SEZ6L: variants seen among roughly 807,000 people sequenced by gnomAD.
SEZ6L encodes the protein seizure 6-like protein.
Under a neutral mutation model 106.2 loss-of-function variants are expected in SEZ6L, and 37 were observed. The ratio of observed to expected loss-of-function variants is 0.35; its 90% CI spans 0.27 to 0.46. The LOEUF is 0.46. SEZ6L is among the 20% of genes least tolerant of loss of function. The pLI is 1.00. For missense variants in SEZ6L, 1,172 were observed against 1,332.8 expected (o/e 0.88, Z 1.88); for synonymous variants, 541 against 570.4 (o/e 0.95, Z 0.73).
Position 26,292,501 on chromosome 22 carries a change from G to T in SEZ6L, c.190G>T (p.Glu64Ter). 4 of 1,613,996 alleles carry T rather than the reference G, an allele frequency of 2.5e-6. No individual in the cohort carries two copies. The South Asian group carries it at 3.3e-5, about 13-fold the overall frequency. ...CAGTCCTGGCAAAGAGCACCCTGAA[G>T]AGAGAGTGGTAACAGCGCCCCCCAG... ...RGSPGKEHPEERVVTAPPSSS... is the reference protein window; with the variant it reads ...RGSPGKEHPE The change falls in exon 2 of 17, where the codon GAG becomes TAG. Residue 64 changes from glutamate to a stop codon, truncating the protein, a stop_gained. Coordinates refer to ENST00000248933, the MANE Select transcript of SEZ6L (RefSeq NM_021115.5). LOFTEE classifies it high-confidence loss of function.
intron 1 of SEZ6L, among the ~76,000 whole-genome samples, chr22:26,238,367 GAAGAAGAC>G (rs2079013768): frequency 6.6e-6 from 1 of 152,226 alleles, no homozygotes. Context: ...ATTCCATCTG[GAAGAAGAC>G]AAAAGTTGAG....
rs781691364 is a variant in SEZ6L at position 26,310,875 on chromosome 22, TG to T, written c.1681+44del. The T allele has an allele frequency of 1.9e-6, 3 of 1,599,988 alleles. No individual in the cohort carries two copies. The South Asian group carries it at 3.3e-5, about 18-fold the overall frequency. On this transcript the variant is annotated intron_variant, in intron 7 of 16. Transcript: ENST00000248933. ...GGAGCTTCCCTTTCTCTTGTGGGGCTGGGGGTAGCCTGGGAGCAGGGAAAGC... is the reference window on the plus strand; with the variant it reads ...GGAGCTTCCCTTTCTCTTGTGGGGCTGGGGTAGCCTGGGAGCAGGGAAAGC...
intron 1 of SEZ6L, among the ~76,000 whole-genome samples, chr22:26,187,725 G>A (rs553613110): frequency 2.6e-5 from 4 of 152,222 alleles, no homozygotes; most frequent in South Asian, 2.1e-4. Context: ...CCCAAACCCC[G>A]ATCAGACTGT....
At position 26,296,943 on chromosome 22, in the gene SEZ6L, G is replaced by A; in HGVS notation, c.1025G>A (p.Gly342Asp). The A allele has an allele frequency of 6.2e-7, 1 of 1,613,980 alleles. No individual in the cohort carries two copies. Among genetic ancestry groups the A allele is most frequent in the Non-Finnish European group, 8.5e-7 (1 of 1,179,932 alleles). Residue 342 changes from glycine (G) to aspartate (D), a missense_variant, in exon 4 of 17, where the codon GGC becomes GAC. Gly to Asp is a moderately conservative substitution (Grantham distance 94). Around this residue, in one of 4 missense-constraint regions of SEZ6L, gnomAD observed 494 missense variants for 445.8 expected, o/e 1.11. Transcript: ENST00000248933. ...CTGCTCTCCATCCGCGGGGTGGACG[G>A]CCCTACCCTGACCGTCCTGGCCAAC... ...GELLSIRGVDGPTLTVLANQT... is the reference protein window; with the variant it reads ...GELLSIRGVDDPTLTVLANQT...
At chr22:26,180,684 A>C (rs925088095) in intron 1 of SEZ6L, among the ~76,000 whole-genome samples, 1 of 152,246 alleles carries the variant, frequency 6.6e-6, no homozygotes, top group Non-Finnish European at 1.5e-5. Flanking sequence ...TGATCCAGGC[A>C]TTGAAAATCA....
chr22:26,169,751 G>A lies in SEZ6L; in HGVS notation c.82G>A (p.Ala28Thr). ...TCTGCTCCTGGGGAGCCCGGCGGCA[G>A]CGCTGGAGCGAGGTAAGCGCCCCGA... ...LALLLGSPAA[A>T]LERDALPEGD... Residue 28 changes from alanine (A) to threonine (T), a missense_variant, in exon 1 of 17, where the codon GCG becomes ACG. Ala to Thr is a moderately conservative substitution (Grantham distance 58). This residue lies in a region of SEZ6L where 494 missense variants were observed against 445.8 expected (regional missense o/e 1.11). Transcript: ENST00000248933. The A allele has an allele frequency of 8.0e-7, 1 of 1,253,984 alleles. No individual in the cohort carries two copies. Among genetic ancestry groups the A allele is most frequent in the Non-Finnish European group, 1.0e-6 (1 of 1,000,246 alleles). 77.7% of individuals were successfully genotyped at this position (1,253,984 alleles called of 1,614,324 possible). A position where few individuals can be genotyped will look rare whatever the true frequency, so the allele number is the denominator to read the frequency against.
chr22:26,292,145 A>ACGG, intron 1 of SEZ6L: 1 of 386,234 alleles, frequency 2.6e-6, no homozygotes, highest in Non-Finnish European at 4.6e-6. Context: ...AGAAAGAAAG[A>ACGG]AAGGAAGGAA....
intron 9 of SEZ6L, among the ~76,000 whole-genome samples, chr22:26,330,980 G>C (rs747407510): frequency 6.6e-6 from 1 of 152,218 alleles, no homozygotes; most frequent in Non-Finnish European, 1.5e-5. Flanking sequence ...TCTAAGCCAA[G>C]GGTCAAATGT....
chr22:26,227,199 G>A (rs1341945473), intron 1 of SEZ6L, among the ~76,000 whole-genome samples: 2 of 152,176 alleles, frequency 1.3e-5, no homozygotes, highest in African/African-American at 4.8e-5. Context: ...TTGGAGTCCT[G>A]CATATTCAGG....
intron 1 of SEZ6L, among the ~76,000 whole-genome samples, chr22:26,222,717 T>C (rs906336952): frequency 5.3e-5 from 8 of 152,184 alleles, no homozygotes; most frequent in African/African-American, 1.9e-4. Context: ...TGAAAATGGG[T>C]TTACATAAAA....
chr22:26,279,544 C>A (rs1476834597), intron 1 of SEZ6L, among the ~76,000 whole-genome samples: 1 of 152,110 alleles, frequency 6.6e-6, no homozygotes, highest in African/African-American at 2.4e-5. Context: ...CCATGTTCAT[C>A]CTGAGGAAAA....
intron 11 of SEZ6L, among the ~76,000 whole-genome samples, chr22:26,348,796 A>AAGGGGAGGGAAGGGGAGGGG (rs2083166574): frequency 7.3e-5 from 1 of 13,640 alleles, no homozygotes; most frequent in Admixed American, 6.0e-4. Flanking sequence ...AAGGGGAGGG[A>AAGGGGAGGGAAGGGGAGGGG]AGGGGAGGGA....
chr22:26,329,232 C>A (rs2082408524), intron 9 of SEZ6L, among the ~76,000 whole-genome samples: 1 of 152,094 alleles, frequency 6.6e-6, no homozygotes, highest in African/African-American at 2.4e-5. Flanking sequence ...CTCTGGGAGG[C>A]CAAGGCAGGT....
rs762439246 is a variant in SEZ6L at position 26,365,534 on chromosome 22, CCCACTGGAACGGG to C, written c.2765_2777del (p.His922ProfsTer16). On this transcript the variant is annotated frameshift_variant, in exon 13 of 17. Transcript: ENST00000248933. LOFTEE classifies it high-confidence loss of function. Reference sequence around the variant, plus strand: ...ATCCGCTGCATCCTGGGACAGCCATCCCACTGGAACGGGCCCCTGCCCGTGTGTAAAGGTAAAG... The same window carrying C: ...ATCCGCTGCATCCTGGGACAGCCATCCCCCTGCCCGTGTGTAAAGGTAAAG... The C allele has an allele frequency of 6.2e-7, 1 of 1,614,102 alleles. No homozygotes were observed. The highest frequency in any genetic ancestry group is 8.5e-7 in the Non-Finnish European group (1 of 1,179,974).
At chr22:26,333,370 C>A (rs1055766652) in intron 9 of SEZ6L, among the ~76,000 whole-genome samples, 2 of 152,150 alleles carry the variant, frequency 1.3e-5, no homozygotes, top group South Asian at 2.1e-4. Flanking sequence ...TAGAGGCAGG[C>A]GGGGCAGAAA....
chr22:26,223,732 T>C (rs1255085641), intron 1 of SEZ6L, among the ~76,000 whole-genome samples: 1 of 152,238 alleles, frequency 6.6e-6, no homozygotes, highest in Non-Finnish European at 1.5e-5. Context: ...ACACTTTGTA[T>C]GGTGCCTGGT....
At chr22:26,214,251 A>G (rs1028811724) in intron 1 of SEZ6L, among the ~76,000 whole-genome samples, 3 of 152,080 alleles carry the variant, frequency 2.0e-5, no homozygotes, top group African/African-American at 7.2e-5. Flanking sequence ...AGCTCACTTC[A>G]CCTCTCTGAG....
intron 1 of SEZ6L, among the ~76,000 whole-genome samples, chr22:26,231,361 A>C (rs556182183): frequency 1.3e-5 from 2 of 152,084 alleles, no homozygotes; most frequent in South Asian, 4.1e-4. Context: ...TCTTATGGGG[A>C]GATGCTCCCA....
At chr22:26,307,435 A>G (rs2081665804) in intron 6 of SEZ6L, among the ~76,000 whole-genome samples, 1 of 151,736 alleles carries the variant, frequency 6.6e-6, no homozygotes, top group South Asian at 2.1e-4. Flanking sequence ...GGCTTCTTTG[A>G]TGGATCAAAC....
Sources: gnomAD v4.1 joint callset for allele counts (sites outside exome capture counted in the v4.1 genomes callset) on GRCh38, gnomAD v4.1.1 for gene constraint, gnomAD v4.1.1 regional missense constraint, MANE v1.5 for transcripts, NCBI Gene and HGNC (gene_info 2026-07-23, HGNC 2026-07-21) for gene names.